Variants in DLG2 observed in about 807,000 individuals in gnomAD.
DLG2 encodes the protein discs large MAGUK scaffold protein 2, also known as disks large homolog 2.
A neutral mutation model predicts 132.5 loss-of-function variants in DLG2; 45 were observed. The observed-to-expected ratio is 0.34, with a 90% CI of 0.27 to 0.44. The LOEUF (loss-of-function observed/expected upper bound fraction) is 0.44. Among genes scored for constraint, DLG2 ranks in the 20% least tolerant of loss-of-function variants. The pLI is 1.00. For synonymous variants in DLG2, 424 were observed against 419.6 expected (o/e 1.01, Z -0.13); for missense variants, 1,045 against 1,196.9 (o/e 0.87, Z 1.87).
intron 3 of DLG2, among the ~76,000 whole-genome samples, chr11:85,322,845 T>A (rs1565322283): frequency 6.6e-6 from 1 of 152,162 alleles, no homozygotes; most frequent in Non-Finnish European, 1.5e-5. Flanking sequence ...TTCCCATTCC[T>A]GCTGCTGCTA....
Position 84,069,657 on chromosome 11 carries a change from C to T in DLG2, c.750-10173G>A, listed in dbSNP as rs2096728418. 2.0e-5 allele frequency among the ~76,000 whole-genome samples: 3 copies of T among 152,210 alleles called. No homozygotes were observed. The South Asian group carries it at 6.2e-4, about 31-fold the overall frequency. On this transcript the variant is annotated intron_variant, in intron 10 of 27. Coordinates refer to ENST00000376104, the MANE Select transcript of DLG2 (RefSeq NM_001142699.3). The stretch of plus-strand genomic sequence containing the variant: ...TACTGTTTTTCCCCTCTATTTGCCA[C>T]TTCATTTCCCTTCTATAAAATGCTT...
rs139796150 is a variant in DLG2 at position 84,045,506 on chromosome 11, A to G, written c.919+13809T>C. Among the ~76,000 whole-genome samples, 21 of 151,906 alleles carry G rather than the reference A, an allele frequency of 1.4e-4. No homozygotes were observed. In the East Asian group the frequency reaches 3.7e-3, roughly 27 times the overall value. On this transcript the variant is annotated intron_variant, in intron 11 of 27. Transcript: ENST00000376104. ...TAGCCAAAACTTCATATGAAATAAT[A>G]TTCAATTGTCTTATTCTTGACATGA...
At chr11:85,604,034 G>A (rs1204826696) in intron 2 of DLG2, among the ~76,000 whole-genome samples, 1 of 152,150 alleles carries the variant, frequency 6.6e-6, no homozygotes, top group Non-Finnish European at 1.5e-5. Context: ...AGATAAGTAA[G>A]GGGAATTTCA....
chr11:85,169,528 A>T (rs564118076), intron 4 of DLG2, among the ~76,000 whole-genome samples: 9 of 152,076 alleles, frequency 5.9e-5, no homozygotes, highest in Non-Finnish European at 1.3e-4. Context: ...AGATGAGGGA[A>T]TGTAGGCAAT....
chr11:83,867,858 C>T (rs2062687657), intron 16 of DLG2, among the ~76,000 whole-genome samples: 1 of 152,088 alleles, frequency 6.6e-6, no homozygotes, highest in Admixed American at 6.6e-5. Context: ...TTGGGAGACT[C>T]CTTAAAGATT....
intron 2 of DLG2, among the ~76,000 whole-genome samples, chr11:85,611,174 G>T (rs2080973855): frequency 1.3e-5 from 2 of 152,178 alleles, no homozygotes; most frequent in South Asian, 4.1e-4. Context: ...TGATGTAGTA[G>T]CAAAAGGCTG....
At chr11:83,683,789 G>A (rs1199191795) in intron 18 of DLG2, among the ~76,000 whole-genome samples, 1 of 151,928 alleles carries the variant, frequency 6.6e-6, no homozygotes, top group African/African-American at 2.4e-5. Context: ...TAATTTTACT[G>A]TGCTAAGGAG....
chr11:85,554,827 G>C (rs918072495), intron 3 of DLG2, among the ~76,000 whole-genome samples: 1 of 150,302 alleles, frequency 6.7e-6, no homozygotes, highest in Non-Finnish European at 1.5e-5. Context: ...ATTTTTTTTC[G>C]GACTTTTGCA....
chr11:85,134,273 A>G (rs1045062922), intron 5 of DLG2, among the ~76,000 whole-genome samples: 2 of 150,742 alleles, frequency 1.3e-5, no homozygotes, highest in African/African-American at 4.9e-5. Flanking sequence ...TTTTTCATAA[A>G]AAGTATACTT....
chr11:84,049,204 G>A (rs1222334453), intron 11 of DLG2, among the ~76,000 whole-genome samples: 1 of 151,754 alleles, frequency 6.6e-6, no homozygotes, highest in African/African-American at 2.4e-5. Context: ...ATTTAAGTTA[G>A]ATATTTAATA....
At chr11:84,491,910 T>A (rs2099166193) in intron 7 of DLG2, among the ~76,000 whole-genome samples, 1 of 152,150 alleles carries the variant, frequency 6.6e-6, no homozygotes, top group Non-Finnish European at 1.5e-5. Context: ...CACATTCACA[T>A]TTCAATCTTT....
At chr11:83,575,898 A>G (rs74479816) in intron 19 of DLG2, among the ~76,000 whole-genome samples, 2 of 152,206 alleles carry the variant, frequency 1.3e-5, no homozygotes, top group Non-Finnish European at 2.9e-5. Context: ...ACCAGGCATA[A>G]AAAGAAGTAG....
At chr11:84,328,209 T>C (rs1438260973) in intron 7 of DLG2, among the ~76,000 whole-genome samples, 1 of 150,188 alleles carries the variant, frequency 6.7e-6, no homozygotes, top group African/African-American at 2.5e-5. Flanking sequence ...AATAACATTA[T>C]GGTAATGAGT....
intron 4 of DLG2, among the ~76,000 whole-genome samples, chr11:85,251,565 T>TA (rs2076397427): frequency 6.6e-6 from 1 of 152,118 alleles, no homozygotes; most frequent in South Asian, 2.1e-4. Context: ...TATCAAATAA[T>TA]AAATAACAAT....
chr11:85,056,065 T>C (rs189803765), intron 6 of DLG2, among the ~76,000 whole-genome samples: 2 of 152,240 alleles, frequency 1.3e-5, no homozygotes, highest in African/African-American at 2.4e-5. Context: ...ATTTTTCATA[T>C]ATAATAACTG....
At chr11:85,452,312 C>CT (rs1156949330) in intron 3 of DLG2, 1 of 152,426 alleles carries the variant, frequency 6.6e-6, no homozygotes, top group African/African-American at 2.4e-5. Context: ...CTTCCTTTTC[C>CT]TTGTCCAAAG....
At chr11:85,132,324 G>A (rs1290579815) in intron 5 of DLG2, among the ~76,000 whole-genome samples, 1 of 152,084 alleles carries the variant, frequency 6.6e-6, no homozygotes, top group East Asian at 1.9e-4. Context: ...GAAGCAATAT[G>A]TCAAGTCACA....
At chr11:85,247,182 A>G (rs1481430267) in intron 4 of DLG2, among the ~76,000 whole-genome samples, 3 of 152,114 alleles carry the variant, frequency 2.0e-5, no homozygotes, top group Non-Finnish European at 4.4e-5. Flanking sequence ...ATATAAGCGT[A>G]GCCTTTTTGC....
intron 6 of DLG2, among the ~76,000 whole-genome samples, chr11:84,697,344 C>G (rs2153734319): frequency 6.6e-6 from 1 of 151,572 alleles, no homozygotes; most frequent in Middle Eastern, 3.4e-3. Context: ...GAATTAGTAT[C>G]CCAATCTCTT....
Sources: allele counts gnomAD v4.1 joint callset (sites outside exome capture counted in the v4.1 genomes callset), GRCh38; gene constraint gnomAD v4.1.1; transcripts MANE v1.5; gene names NCBI Gene and HGNC (gene_info 2026-07-23, HGNC 2026-07-21).